The following PCDHGB6 variants were observed in gnomAD, a reference collection of about 807,000 sequenced individuals.
PCDHGB6 encodes protocadherin gamma subfamily B, 6.
In PCDHGB6, 51 loss-of-function variants were observed where a neutral mutation model predicts 59.1. The ratio of observed to expected loss-of-function variants is 0.86; its 90% CI spans 0.69 to 1.09. PCDHGB6 has a LOEUF of 1.09. Ranked by LOEUF, PCDHGB6 falls within the 50% of genes least tolerant of loss-of-function variation. PCDHGB6 has a pLI of 0.00. For synonymous variants in PCDHGB6, 466 were observed against 495.1 expected (o/e 0.94, Z 0.78); for missense variants, 1,148 against 1,205.1 (o/e 0.95, Z 0.70).
chr5:141,487,397 G>C lies in PCDHGB6; in HGVS notation c.2419-7410G>C. On this transcript the variant is annotated intron_variant, in intron 1 of 3. Coordinates refer to ENST00000520790, the MANE Select transcript of PCDHGB6 (RefSeq NM_018926.3). The surrounding 1 kb of genome is among the most constrained non-coding windows in gnomAD (Gnocchi z 5.0). ...TCTCACCAGATCTCGAAGGAGGGAG[G>C]GGCTTCCCCCTTCCAATGGGATCCT... The C allele has an allele frequency of 6.2e-7, 1 of 1,614,062 alleles. No homozygotes were observed. The highest frequency in any genetic ancestry group is 8.5e-7 in the Non-Finnish European group (1 of 1,180,008).
At position 141,476,689 on chromosome 5, in the gene PCDHGB6, C is replaced by A; in HGVS notation, c.2419-18118C>A. Reference sequence around the variant, plus strand: ...GCGTGCAGACGCGGGAGGACAGCACCAAGTACGCGGAGCTGGTGTTGGAGC... The same window carrying A: ...GCGTGCAGACGCGGGAGGACAGCACAAAGTACGCGGAGCTGGTGTTGGAGC... On this transcript the variant is annotated intron_variant, in intron 1 of 3. Transcript: ENST00000520790. The surrounding 1 kb of genome is among the most constrained non-coding windows in gnomAD (Gnocchi z 7.6). The A allele has an allele frequency of 1.9e-6, 3 of 1,614,226 alleles. No homozygotes were observed. Among genetic ancestry groups the A allele is most frequent in the Non-Finnish European group, 2.5e-6 (3 of 1,180,046 alleles).
chr5:141,430,521 A>G, intron 1 of PCDHGB6: 1 of 350,390 alleles, frequency 2.9e-6, no homozygotes, highest in Non-Finnish European at 5.1e-6. Context: ...TTGTGCAGTA[A>G]TTGGTTAGGA....
intron 1 of PCDHGB6, chr5:141,423,007 G>A: frequency 6.2e-7 from 1 of 1,614,242 alleles, no homozygotes; most frequent in Non-Finnish European, 8.5e-7. Flanking sequence ...CAAGGTGGTT[G>A]CGGTGGACAA....
rs2099745591 is a variant in PCDHGB6, at chr5:141,492,999, T to C, written c.2419-1808T>C. Among the ~76,000 whole-genome samples, 3 of 152,350 alleles carry C rather than the reference T, an allele frequency of 2.0e-5. No homozygotes were observed. In the South Asian group the frequency reaches 6.2e-4, roughly 32 times the overall value. ...CTGTCTCCTCTGGCAGATGGAAAGCTATAGGCTCTGCCAGATGCCAGGGTG... is the reference window on the plus strand; with the variant it reads ...CTGTCTCCTCTGGCAGATGGAAAGCCATAGGCTCTGCCAGATGCCAGGGTG... On this transcript the variant is annotated intron_variant, in intron 1 of 3. Coordinates refer to ENST00000520790, the MANE Select transcript of PCDHGB6 (RefSeq NM_018926.3).
Position 141,408,292 on chromosome 5 carries a change from T to C in PCDHGB6, c.90T>C (p.Ser30=), listed in dbSNP as rs752767472. Residue 30 remains serine, a synonymous_variant, in exon 1 of 4, where the codon AGT becomes AGC. Coordinates refer to ENST00000520790, the MANE Select transcript of PCDHGB6 (RefSeq NM_018926.3). ...TGCCTTTGTTCTACCCCACCCTGAGTGAGCCGATCCGCTACTCGATTCCGG... is the reference window on the plus strand; with the variant it reads ...TGCCTTTGTTCTACCCCACCCTGAGCGAGCCGATCCGCTACTCGATTCCGG... ...LLLPLFYPTL[S]EPIRYSIPEE... The C allele has an allele frequency of 5.0e-6, 8 of 1,613,504 alleles. No homozygotes were observed. The South Asian group carries it at 8.8e-5, about 18-fold the overall frequency.
chr5:141,445,224 G>A (rs1016307216), intron 1 of PCDHGB6, among the ~76,000 whole-genome samples: 6 of 152,194 alleles, frequency 3.9e-5, no homozygotes, highest in Admixed American at 2.0e-4. Context: ...GAGGTGCAAA[G>A]TGCTCTATTC....
intron 1 of PCDHGB6, among the ~76,000 whole-genome samples, chr5:141,479,036 G>C (rs1202411463): frequency 1.3e-5 from 2 of 152,012 alleles, no homozygotes; most frequent in Non-Finnish European, 2.9e-5. Flanking sequence ...TATACAGATC[G>C]TGTACCTCAT....
rs541533867 is a variant in PCDHGB6 at position 141,415,164 on chromosome 5, G to T, written c.2418+4544G>T. 6.8e-6 allele frequency: 11 copies of T among 1,613,838 alleles called. No individual in the cohort carries two copies. The African/African-American group carries it at 1.3e-4, about 20-fold the overall frequency. Reference sequence around the variant, plus strand: ...AGCCCCCTCTCTCCGCCACTGTCACGCTCACCGTGGCCGTGGCCGACAGCA... The same window carrying T: ...AGCCCCCTCTCTCCGCCACTGTCACTCTCACCGTGGCCGTGGCCGACAGCA... On this transcript the variant is annotated intron_variant, in intron 1 of 3. Transcript: ENST00000520790.
At chr5:141,461,989 A>G (rs2099028358) in intron 1 of PCDHGB6, among the ~76,000 whole-genome samples, 1 of 152,074 alleles carries the variant, frequency 6.6e-6, no homozygotes, top group African/African-American at 2.4e-5. Flanking sequence ...ACGCCAGGCT[A>G]ATTTTGTATT....
intron 1 of PCDHGB6, chr5:141,417,757 G>A: frequency 7.0e-7 from 1 of 1,435,144 alleles, no homozygotes; most frequent in Non-Finnish European, 9.2e-7. Flanking sequence ...CCAGCTCCGA[G>A]ACCCGGGACT....
In PCDHGB6 at chr5:141,491,893, G is replaced by C. The variant is rs2099734820; in HGVS notation, c.2419-2914G>C. The C allele has an allele frequency of 6.9e-7, 1 of 1,438,856 alleles. No individual in the cohort carries two copies. The highest frequency in any genetic ancestry group is 9.2e-7 in the Non-Finnish European group (1 of 1,088,104). 89.1% of individuals were successfully genotyped at this position (1,438,856 alleles called of 1,614,324 possible). A position where few individuals can be genotyped will look rare whatever the true frequency, so the allele number is the denominator to read the frequency against. ...GGCCGATTAAGGGATGGGGCTCCGA[G>C]CACCGGGGGTGGTGGCGACTGTGGG... On this transcript the variant is annotated intron_variant, in intron 1 of 3. Coordinates refer to ENST00000520790, the MANE Select transcript of PCDHGB6 (RefSeq NM_018926.3). The surrounding 1 kb of genome is among the most constrained non-coding windows in gnomAD (Gnocchi z 6.9).
At chr5:141,410,739 A>G in intron 1 of PCDHGB6, 119 bp downstream of exon 1, 1 of 1,303,782 alleles carries the variant, frequency 7.7e-7, no homozygotes. Flanking sequence ...GCTTTTTACA[A>G]TATTTTCTCA....
Position 141,487,650 on chromosome 5 carries a change from G to T in PCDHGB6, c.2419-7157G>T, listed in dbSNP as rs772715932. The T allele has an allele frequency of 6.8e-6, 11 of 1,613,876 alleles. No individual in the cohort carries two copies. Among genetic ancestry groups the T allele is most frequent in the Admixed American group, 1.7e-5 (1 of 59,978 alleles). On this transcript the variant is annotated intron_variant, in intron 1 of 3. Coordinates refer to ENST00000520790, the MANE Select transcript of PCDHGB6 (RefSeq NM_018926.3). This position sits in a 1 kb window ranked among gnomAD's most constrained non-coding sequence, Gnocchi z 5.0. ...TTGCAGGCTCAACAAATGCTTGAGG[G>T]TTATTCTGATCCAGGCATATGGCTA...
intron 1 of PCDHGB6, among the ~76,000 whole-genome samples, chr5:141,455,783 T>G (rs1475277198): frequency 1.3e-5 from 2 of 152,066 alleles, no homozygotes; most frequent in Non-Finnish European, 2.9e-5. Context: ...AAAAGAAACT[T>G]TTCCGGAGAT....
intron 1 of PCDHGB6, among the ~76,000 whole-genome samples, chr5:141,481,300 GA>G (rs998363845): frequency 3.3e-5 from 5 of 152,248 alleles, no homozygotes; most frequent in African/African-American, 1.2e-4. Context: ...TCATCTAAGG[GA>G]AAAACCTTCC....
rs773893751 is a variant in PCDHGB6 at position 141,431,903 on chromosome 5, G to A, written c.2418+21283G>A. 2 of 1,613,916 alleles carry A rather than the reference G, an allele frequency of 1.2e-6. No individual in the cohort carries two copies. Among genetic ancestry groups the A allele is most frequent in the South Asian group, 2.2e-5 (2 of 91,080 alleles). ...CCAAGATTCTGAGGAAAACGGACAG[G>A]TGATCTGTTTCATCCAAGGAAATCT... On this transcript the variant is annotated intron_variant, in intron 1 of 3. Transcript: ENST00000520790. The surrounding 1 kb of genome is among the most constrained non-coding windows in gnomAD (Gnocchi z 4.8).
Sources: gnomAD v4.1 joint callset for allele counts (sites outside exome capture counted in the v4.1 genomes callset) on GRCh38, gnomAD v4.1.1 for gene constraint, Gnocchi (gnomAD v3.1) non-coding constraint, MANE v1.5 for transcripts, NCBI Gene and HGNC (gene_info 2026-07-23, HGNC 2026-07-21) for gene names.